Variants in ULK4 observed in about 807,000 individuals in gnomAD.
ULK4 encodes the protein unc-51 like kinase 4, also known as inactive serine/threonine-protein kinase ULK4.
A neutral mutation model predicts 160.6 loss-of-function variants in ULK4; 133 were observed. The ratio of observed to expected loss-of-function variants is 0.83; its 90% CI spans 0.72 to 0.96. The LOEUF is 0.96. Ranked by LOEUF, ULK4 falls within the 40% of genes least tolerant of loss-of-function variation. The pLI is 0.00. For missense variants in ULK4, 1,580 were observed against 1,499.5 expected, an observed-to-expected ratio of 1.05 and a Z score of -0.89; for synonymous variants, 534 against 539.8, an observed-to-expected ratio of 0.99 and a Z score of 0.15.
At chr3:41,397,287 A>G (rs1357950180) in intron 35 of ULK4, among the ~76,000 whole-genome samples, 1 of 152,178 alleles carries the variant, frequency 6.6e-6, no homozygotes, top group Non-Finnish European at 1.5e-5. Flanking sequence ...AAATAAGTGA[A>G]GCAGAAGGGA....
chr3:41,615,970 T>A (rs2032941598), intron 30 of ULK4, among the ~76,000 whole-genome samples: 1 of 152,234 alleles, frequency 6.6e-6, no homozygotes, highest in Non-Finnish European at 1.5e-5. Context: ...TTGGTATTTT[T>A]AATGCAGGGA....
chr3:41,737,213 A>G (rs2038084774), intron 22 of ULK4, among the ~76,000 whole-genome samples: 1 of 151,916 alleles, frequency 6.6e-6, no homozygotes, highest in Non-Finnish European at 1.5e-5. Flanking sequence ...ATTCTTATAC[A>G]CCAATAACAG....
intron 31 of ULK4, among the ~76,000 whole-genome samples, chr3:41,574,040 G>A (rs1452254916): frequency 1.3e-5 from 2 of 151,540 alleles, no homozygotes; most frequent in Non-Finnish European, 2.9e-5. Context: ...AAATTAGCCA[G>A]GAGCGGTGGC....
chr3:41,821,315 T>A (rs2041136365), intron 18 of ULK4, among the ~76,000 whole-genome samples: 2 of 151,698 alleles, frequency 1.3e-5, no homozygotes, highest in Admixed American at 1.3e-4. Context: ...GGGATCAGCA[T>A]CCTCAGGGGA....
chr3:41,357,507 C>T lies in ULK4; in HGVS notation c.3678+40572G>A, dbSNP rs1429559696. ...TAGATTGCATGTGGTCTGCTTCCCGCGGTGTCAGTTTCTGAGAGTGGGACA... is the reference window on the plus strand; with the variant it reads ...TAGATTGCATGTGGTCTGCTTCCCGTGGTGTCAGTTTCTGAGAGTGGGACA... On this transcript the variant is annotated intron_variant, in intron 35 of 36. Transcript: ENST00000301831. Among the ~76,000 whole-genome samples, 7 of 152,142 alleles carry T rather than the reference C, an allele frequency of 4.6e-5. No homozygotes were observed. The East Asian group carries it at 1.2e-3, about 25-fold the overall frequency.
At chr3:41,379,030 G>A (rs1424862978) in intron 35 of ULK4, among the ~76,000 whole-genome samples, 1 of 151,884 alleles carries the variant, frequency 6.6e-6, no homozygotes, top group Non-Finnish European at 1.5e-5. Context: ...ACAGGAAGGG[G>A]AACATCACAC....
Position 41,751,842 on chromosome 3 carries a change from G to A in ULK4, c.2321+2519C>T, listed in dbSNP as rs568802206. Among the ~76,000 whole-genome samples, 6 of 152,290 alleles carry A rather than the reference G, an allele frequency of 3.9e-5. No individual in the cohort carries two copies. The East Asian group carries it at 1.2e-3, about 29-fold the overall frequency. ...AAGCATCTGAAGGAAGAGATCATAG[G>A]CACAGGAAACAGCAACCAAGAAGAG... On this transcript the variant is annotated intron_variant, in intron 22 of 36. Transcript: ENST00000301831.
chr3:41,818,369 T>C (rs943632370), intron 19 of ULK4, among the ~76,000 whole-genome samples: 2 of 152,226 alleles, frequency 1.3e-5, no homozygotes, highest in Non-Finnish European at 1.5e-5. Context: ...TTCCACTTTA[T>C]ATTTTTATTT....
chr3:41,362,659 C>T (rs1349668517), intron 35 of ULK4, among the ~76,000 whole-genome samples: 1 of 152,114 alleles, frequency 6.6e-6, no homozygotes, highest in Non-Finnish European at 1.5e-5. Flanking sequence ...TAATATTATC[C>T]ACATCAATGA....
intron 30 of ULK4, among the ~76,000 whole-genome samples, chr3:41,641,567 A>G (rs1315874362): frequency 6.6e-6 from 1 of 152,122 alleles, no homozygotes; most frequent in African/African-American, 2.4e-5. Context: ...CAGAATGATA[A>G]TGTGTCTGTA....
chr3:41,625,035 T>C (rs1304977715), intron 30 of ULK4, among the ~76,000 whole-genome samples: 1 of 152,206 alleles, frequency 6.6e-6, no homozygotes, highest in Non-Finnish European at 1.5e-5. Context: ...AACTGACGGA[T>C]GTTAAAGCAA....
At chr3:41,689,991 C>T (rs1380889061) in intron 27 of ULK4, among the ~76,000 whole-genome samples, 14 of 148,458 alleles carry the variant, frequency 9.4e-5, no homozygotes, top group African/African-American at 3.4e-4. Flanking sequence ...CACATGCACA[C>T]GTATGTTTAC....
At chr3:41,845,269 A>T (rs2042042630) in intron 17 of ULK4, among the ~76,000 whole-genome samples, 1 of 152,154 alleles carries the variant, frequency 6.6e-6, no homozygotes. Flanking sequence ...CGGCCGACCC[A>T]GATATCTTTC....
rs1024393015 is a variant in ULK4 at position 41,560,889 on chromosome 3, T to C, written c.3226+5136A>G. On this transcript the variant is annotated intron_variant, in intron 32 of 36. Coordinates refer to ENST00000301831, the MANE Select transcript of ULK4 (RefSeq NM_017886.4). The stretch of plus-strand genomic sequence containing the variant: ...TTGCCTGACTGCCCTGGCAGGAACT[T>C]CAAACACTATGTTGAACAGGAATGG... 5.3e-5 allele frequency among the ~76,000 whole-genome samples: 8 copies of C among 152,218 alleles called. No individual in the cohort carries two copies. The South Asian group carries it at 8.3e-4, about 16-fold the overall frequency.
intron 35 of ULK4, among the ~76,000 whole-genome samples, chr3:41,349,718 T>C (rs2080871972): frequency 6.6e-6 from 1 of 152,106 alleles, no homozygotes. Flanking sequence ...AATATAAACA[T>C]AAAACTCTGA....
intron 21 of ULK4, chr3:41,766,894 G>A (rs1364582745): frequency 1.3e-5 from 2 of 152,244 alleles, no homozygotes; most frequent in Non-Finnish European, 2.9e-5. Flanking sequence ...GGCGACAGAT[G>A]TCACAGCCAG....
At chr3:41,584,969 CA>C (rs1411533966) in intron 31 of ULK4, among the ~76,000 whole-genome samples, 4 of 151,920 alleles carry the variant, frequency 2.6e-5, no homozygotes, top group Non-Finnish European at 5.9e-5. Context: ...GACTTGTACA[CA>C]AAAAACTATA....
intron 35 of ULK4, among the ~76,000 whole-genome samples, chr3:41,308,377 G>C (rs1400188387): frequency 6.6e-6 from 1 of 151,480 alleles, no homozygotes; most frequent in Non-Finnish European, 1.5e-5. Context: ...GCATCTCACA[G>C]ACTCAAATTA....
At chr3:41,313,262 T>C (rs1360027471) in intron 35 of ULK4, among the ~76,000 whole-genome samples, 3 of 152,242 alleles carry the variant, frequency 2.0e-5, no homozygotes, top group African/African-American at 7.2e-5. Context: ...GTTTCATCAT[T>C]TGTAATGTAG....
Sources: allele counts gnomAD v4.1 joint callset (sites outside exome capture counted in the v4.1 genomes callset), GRCh38; gene constraint gnomAD v4.1.1; transcripts MANE v1.5; gene names NCBI Gene and HGNC (gene_info 2026-07-23, HGNC 2026-07-21).